The following UCN3 variants were observed in gnomAD, a reference collection of about 807,000 sequenced individuals.
UCN3 encodes the protein urocortin-3.
Under a neutral mutation model 3.6 loss-of-function variants are expected in UCN3, and 3 were observed. The ratio of observed to expected loss-of-function variants is 0.83; its 90% CI spans 0.38 to 2.15. UCN3 has a LOEUF of 2.15. Ranked by LOEUF, UCN3 falls within the 30% of genes most tolerant of loss-of-function variation. The probability of loss-of-function intolerance (pLI) is 0.06; values close to 1 mark genes in which losing one functional copy is unlikely to be tolerated. For missense variants in UCN3, 206 were observed against 208.3 expected (o/e 0.99, Z 0.07); for synonymous variants, 100 against 93.2 (o/e 1.07, Z -0.42).
chr10:5,365,467 C>T lies in UCN3; in HGVS notation c.-7+237C>T, dbSNP rs1834107089. 6.6e-6 allele frequency among the ~76,000 whole-genome samples: 1 copy of T among 152,212 alleles called. No homozygotes were observed. The highest frequency in any genetic ancestry group is 2.1e-4 in the South Asian group (1 of 4,832). ...ATTCCCACGTTGGTATAGAGAGACC[C>T]TCTTTCCAAAGGTGTTAGATCAGAG... On this transcript the variant is annotated intron_variant, in intron 1 of 1. Transcript: ENST00000380433. The surrounding 1 kb of genome is among the most constrained non-coding windows in gnomAD (Gnocchi z 4.4).
At position 5,364,966 on chromosome 10, in the gene UCN3, A is replaced by C. The variant is rs1324716981; in HGVS notation, c.-271A>C. 1.3e-5 allele frequency: 2 copies of C among 152,124 alleles called. No homozygotes were observed. The highest frequency in any genetic ancestry group is 2.9e-5 in the Non-Finnish European group (2 of 68,038). 9.4% of individuals were successfully genotyped at this position (152,124 alleles called of 1,614,324 possible). A position where few individuals can be genotyped will look rare whatever the true frequency, so the allele number is the denominator to read the frequency against. On this transcript the variant is annotated 5_prime_UTR_variant, in exon 1 of 2. Coordinates refer to ENST00000380433, the MANE Select transcript of UCN3 (RefSeq NM_053049.4). ...GGACGGCTGGTTCTGGTTGTATTTT[A>C]AATGAAATCTCATCCCAGCGTAGAC...
intron 1 of UCN3, among the ~76,000 whole-genome samples, chr10:5,370,824 C>CGTGTGTGT (rs1564443603): frequency 4.8e-5 from 4 of 82,970 alleles, no homozygotes; most frequent in African/African-American, 1.9e-4. Flanking sequence ...CGTGTGTGTG[C>CGTGTGTGT]GCGCGTGTGT....
intron 1 of UCN3, among the ~76,000 whole-genome samples, chr10:5,368,846 G>A (rs1831291772): frequency 6.6e-6 from 1 of 152,158 alleles, no homozygotes; most frequent in Non-Finnish European, 1.5e-5. Context: ...ATTTTCCACA[G>A]GGACGGTTAG....
At position 5,369,990 on chromosome 10, in the gene UCN3, T is replaced by C. The variant is rs150302393; in HGVS notation, c.-6-3725T>C. Among the ~76,000 whole-genome samples, 553 of 89,762 alleles carry C rather than the reference T, an allele frequency of 6.2e-3. 80 individuals are homozygous for C. The highest frequency in any genetic ancestry group is 0.02 in the Middle Eastern group (3 of 152). The allele number at this position is 89,762 out of a possible 152,430, so 58.9% of individuals were successfully genotyped here. ...GCGTGTGTATATGCGTGTGTATATG[T>C]GTGTATGTGTGTGTGTATGTGTGTG... On this transcript the variant is annotated intron_variant, in intron 1 of 1. Transcript: ENST00000380433.
rs782635507 is a variant in UCN3 at position 5,373,772 on chromosome 10, C to G, written c.52C>G (p.Pro18Ala). 2 of 1,613,766 alleles carry G rather than the reference C, an allele frequency of 1.2e-6. No individual in the cohort carries two copies. Among genetic ancestry groups the G allele is most frequent in the Non-Finnish European group, 1.7e-6 (2 of 1,179,926 alleles). Residue 18 changes from proline to alanine, a missense_variant, in exon 2 of 2, where the codon CCC (proline) becomes GCC (alanine). By Grantham distance (27) the Pro-to-Ala change is conservative (BLOSUM62 -1). Transcript: ENST00000380433. ...GCTCCTGCTGCTGCTCCTGGGGGGC[C>G]CCAGGACAGGCCTCCCCCACAAGTT... ...LLLLLLLLGG[P>A]RTGLPHKFYK...
In UCN3 at chr10:5,367,279, G is replaced by A. The variant is rs1401359575; in HGVS notation, c.-7+2049G>A. ...AGCCCTCATCTTTCAAGTGACTCTAGGTACACATGTATGATTTCATAATTA... is the reference window on the plus strand; with the variant it reads ...AGCCCTCATCTTTCAAGTGACTCTAAGTACACATGTATGATTTCATAATTA... On this transcript the variant is annotated intron_variant, in intron 1 of 1. Transcript: ENST00000380433. This position sits in a 1 kb window ranked among gnomAD's most constrained non-coding sequence, Gnocchi z 4.3. Among the ~76,000 whole-genome samples the A allele has an allele frequency of 1.3e-5, 2 of 152,064 alleles. No individual in the cohort carries two copies. Among genetic ancestry groups the A allele is most frequent in the Admixed American group, 1.3e-4 (2 of 15,264 alleles).
rs375607828 is a variant in UCN3, at chr10:5,370,884, C to A, written c.-6-2831C>A. Among the ~76,000 whole-genome samples, 4 of 32,444 alleles carry A rather than the reference C, an allele frequency of 1.2e-4. No homozygotes were observed. In the South Asian group the frequency reaches 4.0e-3, roughly 32 times the overall value. The allele number at this position is 32,444 out of a possible 152,430, so 21.3% of individuals were successfully genotyped here. ...GTGCGTGTGTATGTGTGTGTATATG[C>A]GTGTGTATATGCGTGTGTATATGCG... On this transcript the variant is annotated intron_variant, in intron 1 of 1. Transcript: ENST00000380433.
rs202087065 is a variant in UCN3 at position 5,370,211 on chromosome 10, A to G, written c.-6-3504A>G. Among the ~76,000 whole-genome samples the G allele has an allele frequency of 1.1e-3, 19 of 16,884 alleles. 2 individuals carry two copies. The highest frequency in any genetic ancestry group is 5.8e-3 in the South Asian group (1 of 172). 11.1% of individuals were successfully genotyped at this position (16,884 alleles called of 152,430 possible). Reference sequence around the variant, plus strand: ...TATATGCGTGTGTATATGCGTGTGTATGTGTGTGTATGTGCGTGTGTGTAT... The same window carrying G: ...TATATGCGTGTGTATATGCGTGTGTGTGTGTGTGTATGTGCGTGTGTGTAT... On this transcript the variant is annotated intron_variant, in intron 1 of 1. Transcript: ENST00000380433.
Position 5,365,588 on chromosome 10 carries a change from G to C in UCN3, c.-7+358G>C, listed in dbSNP as rs1834109117. ...GAGACAGTTTACAAATGGGGATGGG[G>C]TAGGGATGCCGGGGCTAATGGGAGC... On this transcript the variant is annotated intron_variant, in intron 1 of 1. Transcript: ENST00000380433. The surrounding 1 kb of genome is among the most constrained non-coding windows in gnomAD (Gnocchi z 4.4). Among the ~76,000 whole-genome samples the C allele has an allele frequency of 6.6e-6, 1 of 152,188 alleles. No individual in the cohort carries two copies. The highest frequency in any genetic ancestry group is 2.4e-5 in the African/African-American group (1 of 41,434).
rs1354871837 is a variant in UCN3, at chr10:5,367,789, A to C, written c.-7+2559A>C. Among the ~76,000 whole-genome samples, 1 of 152,194 alleles carries C rather than the reference A, an allele frequency of 6.6e-6. No homozygotes were observed. The highest frequency in any genetic ancestry group is 1.5e-5 in the Non-Finnish European group (1 of 68,026). On this transcript the variant is annotated intron_variant, in intron 1 of 1. Transcript: ENST00000380433. This position sits in a 1 kb window ranked among gnomAD's most constrained non-coding sequence, Gnocchi z 4.3. The stretch of plus-strand genomic sequence containing the variant: ...AGTAATATTTGCAATTATTCTGCAA[A>C]GTTCTAAGTGCTTGAGGGTAAATGC...
rs1285666019 is a variant in UCN3, at chr10:5,366,696, C to T, written c.-7+1466C>T. 2.0e-5 allele frequency among the ~76,000 whole-genome samples: 3 copies of T among 152,182 alleles called. No homozygotes were observed. Among genetic ancestry groups the T allele is most frequent in the East Asian group, 1.9e-4 (1 of 5,204 alleles). ...TTGCAAAGAACCCTTACATTTTAAACGATCTAAAACTAAGCTCAGCACCGG... is the reference window on the plus strand; with the variant it reads ...TTGCAAAGAACCCTTACATTTTAAATGATCTAAAACTAAGCTCAGCACCGG... On this transcript the variant is annotated intron_variant, in intron 1 of 1. Transcript: ENST00000380433. The surrounding 1 kb of genome is among the most constrained non-coding windows in gnomAD (Gnocchi z 4.2).
intron 1 of UCN3, among the ~76,000 whole-genome samples, chr10:5,370,383 A>ATATGTGTG (rs1157000590): frequency 3.1e-4 from 7 of 22,300 alleles, no homozygotes; most frequent in Admixed American, 7.3e-4. Context: ...ATATGCGTGT[A>ATATGTGTG]TATGCGTGTG....
At chr10:5,370,065 A>ATGTG (rs1298519779) in intron 1 of UCN3, among the ~76,000 whole-genome samples, 2 of 23,824 alleles carry the variant, frequency 8.4e-5, no homozygotes, top group East Asian at 1.4e-3. Flanking sequence ...GTGTGTGTAT[A>ATGTG]TGTGTGTATA....
chr10:5,373,762 C>G lies in UCN3; in HGVS notation c.42C>G (p.Leu14=). 6.2e-7 allele frequency: 1 copy of G among 1,613,892 alleles called. No homozygotes were observed. Among genetic ancestry groups the G allele is most frequent in the Non-Finnish European group, 8.5e-7 (1 of 1,179,908 alleles). The stretch of plus-strand genomic sequence containing the variant: ...ACTTCCTGCTGCTCCTGCTGCTGCT[C>G]CTGGGGGGCCCCAGGACAGGCCTCC... ...PVHFLLLLLL[L]LGGPRTGLPH... Residue 14 remains leucine (L), a synonymous_variant, in exon 2 of 2, where the codon CTC becomes CTG. Coordinates refer to ENST00000380433, the MANE Select transcript of UCN3 (RefSeq NM_053049.4).
intron 1 of UCN3, among the ~76,000 whole-genome samples, chr10:5,371,035 GTCTA>G (rs1831417444): frequency 6.7e-6 from 1 of 149,908 alleles, no homozygotes; most frequent in Non-Finnish European, 1.5e-5. Context: ...GTGTGCATGT[GTCTA>G]TATGTATGTG....
At chr10:5,371,309 ATGTG>A (rs1229448519) in intron 1 of UCN3, among the ~76,000 whole-genome samples, 12 of 149,656 alleles carry the variant, frequency 8.0e-5, no homozygotes, top group Admixed American at 6.0e-4. Flanking sequence ...GTCTATATGT[ATGTG>A]TATGTACGTG....
rs1000170377 is a variant in UCN3 at position 5,374,393 on chromosome 10, C to T, written c.*187C>T. ...TTCTGGCCTTTGACCCTGTCTCCCTCCTGCTCTGTCTGTACACACAGAAGT... is the reference window on the plus strand; with the variant it reads ...TTCTGGCCTTTGACCCTGTCTCCCTTCTGCTCTGTCTGTACACACAGAAGT... On this transcript the variant is annotated 3_prime_UTR_variant, in exon 2 of 2. Transcript: ENST00000380433. 1.8e-4 allele frequency: 110 copies of T among 617,230 alleles called. 1 individual carries two copies. Among genetic ancestry groups the T allele is most frequent in the African/African-American group, 1.8e-3 (96 of 53,954 alleles). The allele number at this position is 617,230 out of a possible 1,614,324, so 38.2% of individuals were successfully genotyped here. A position where few individuals can be genotyped will look rare whatever the true frequency, so the allele number is the denominator to read the frequency against.
rs781895057 is a variant in UCN3 at position 5,370,675 on chromosome 10, ATGTGTGTGTG to A, written c.-6-3038_-6-3029del. Among the ~76,000 whole-genome samples the A allele has an allele frequency of 4.6e-5, 2 of 43,138 alleles. 1 individual carries two copies. The highest frequency in any genetic ancestry group is 8.4e-5 in the Non-Finnish European group (2 of 23,944). The allele number at this position is 43,138 out of a possible 152,430, so 28.3% of individuals were successfully genotyped here. On this transcript the variant is annotated intron_variant, in intron 1 of 1. Coordinates refer to ENST00000380433, the MANE Select transcript of UCN3 (RefSeq NM_053049.4). ...TGTGTATGTGTGTGTATGTGTGTGT[ATGTGTGTGTG>A]TATGTGTGTATATGTGTGTGTATAT...
Sources: allele counts gnomAD v4.1 joint callset (sites outside exome capture counted in the v4.1 genomes callset), GRCh38; gene constraint gnomAD v4.1.1; non-coding constraint Gnocchi (gnomAD v3.1); transcripts MANE v1.5; gene names NCBI Gene and HGNC (gene_info 2026-07-23, HGNC 2026-07-21).